The following CCDC7 variants were observed in gnomAD, a reference collection of about 807,000 sequenced individuals.
The protein encoded by CCDC7 is coiled-coil domain-containing protein 7.
CCDC7 carries 183 observed loss-of-function variants against 196.9 expected under a neutral mutation model. The ratio of observed to expected loss-of-function variants is 0.93; its 90% CI spans 0.82 to 1.05. The LOEUF (loss-of-function observed/expected upper bound fraction) is 1.05, where lower values mean the gene tolerates loss of function less well. CCDC7 is among the 50% of genes least tolerant of loss of function. The probability of loss-of-function intolerance (pLI) is 0.00; values close to 1 mark genes in which losing one functional copy is unlikely to be tolerated. For synonymous variants in CCDC7, 525 were observed against 484.6 expected (o/e 1.08, Z -1.10); for missense variants, 1,540 against 1,482.2 (o/e 1.04, Z -0.64).
At chr10:32,478,241 A>T (rs2039353515) in intron 8 of CCDC7, among the ~76,000 whole-genome samples, 1 of 152,130 alleles carries the variant, frequency 6.6e-6, no homozygotes, top group Admixed American at 6.6e-5. Context: ...ATTCTTTGGG[A>T]TATTCTATAG....
chr10:32,545,974 A>C (rs2052392323), intron 13 of CCDC7, among the ~76,000 whole-genome samples: 1 of 147,882 alleles, frequency 6.8e-6, no homozygotes, highest in African/African-American at 2.4e-5. Context: ...AGGCAGCCTT[A>C]GGCTCTAGTG....
In CCDC7 at chr10:32,561,189, A is replaced by G. The variant is rs192359955; in HGVS notation, c.1135-4369A>G. Among the ~76,000 whole-genome samples, 62 of 152,328 alleles carry G rather than the reference A, an allele frequency of 4.1e-4. 1 individual carries two copies. The highest frequency in any genetic ancestry group is 2.6e-3 in the Admixed American group (40 of 15,302). ...AGCAAGGCCTGAGTGACCTAGAAAG[A>G]GACTTAGACTCCCACACAATAGTAA... On this transcript the variant is annotated intron_variant, in intron 13 of 41. Coordinates refer to ENST00000639629, the Ensembl canonical transcript of CCDC7.
chr10:32,723,364 A>G (rs1042701677), intron 25 of CCDC7, among the ~76,000 whole-genome samples: 4 of 152,144 alleles, frequency 2.6e-5, no homozygotes, highest in East Asian at 1.9e-4. Flanking sequence ...ACTGATCAGC[A>G]TGGCCTTATG....
At chr10:32,448,955 A>G (rs182374042), upstream of CCDC7, among the ~76,000 whole-genome samples, 40 of 151,866 alleles carry the variant, frequency 2.6e-4, 1 homozygote, top group African/African-American at 9.4e-4. Flanking sequence ...TTATTCCTCC[A>G]CTGATTTTAT....
intron 20 of CCDC7, among the ~76,000 whole-genome samples, chr10:32,646,797 A>ATACT (rs2067844862): frequency 6.6e-6 from 1 of 152,146 alleles, no homozygotes; most frequent in Non-Finnish European, 1.5e-5. Flanking sequence ...CATGTGGTCA[A>ATACT]TACTTAGCTC....
At chr10:32,568,419 C>T (rs1407516114) in intron 15 of CCDC7, among the ~76,000 whole-genome samples, 3 of 152,096 alleles carry the variant, frequency 2.0e-5, no homozygotes, top group Admixed American at 6.5e-5. Context: ...ACATAAGCAT[C>T]TGAGATTTGA....
chr10:32,678,583 T>C (rs1012162114), intron 21 of CCDC7, among the ~76,000 whole-genome samples: 14 of 152,090 alleles, frequency 9.2e-5, no homozygotes, highest in African/African-American at 3.1e-4. Context: ...TTTTTTTTGG[T>C]TTTTAGCTAC....
At chr10:32,704,187 T>C (rs2079282168) in intron 24 of CCDC7, among the ~76,000 whole-genome samples, 1 of 152,150 alleles carries the variant, frequency 6.6e-6, no homozygotes, top group Non-Finnish European at 1.5e-5. Flanking sequence ...GATGGGGTTT[T>C]GGTGTGGATG....
chr10:32,530,326 A>G (rs910570883), intron 11 of CCDC7, among the ~76,000 whole-genome samples: 9 of 152,054 alleles, frequency 5.9e-5, no homozygotes, highest in African/African-American at 2.2e-4. Flanking sequence ...TAGTATTTTT[A>G]TGGGAATTGC....
At chr10:32,689,608 C>T (rs1181871175) in intron 23 of CCDC7, among the ~76,000 whole-genome samples, 14 of 152,140 alleles carry the variant, frequency 9.2e-5, no homozygotes, top group African/African-American at 3.4e-4. Flanking sequence ...CTAGGGCATC[C>T]TTTTGGTCAT....
intron 24 of CCDC7, among the ~76,000 whole-genome samples, chr10:32,698,680 T>C (rs932560330): frequency 1.3e-5 from 2 of 151,900 alleles, no homozygotes; most frequent in African/African-American, 4.8e-5. Context: ...AATGAACAAA[T>C]CCTCCAAGAA....
At chr10:32,875,466 G>C (rs1434810911) in intron 41 of CCDC7, among the ~76,000 whole-genome samples, 1 of 151,880 alleles carries the variant, frequency 6.6e-6, no homozygotes, top group African/African-American at 2.4e-5. Flanking sequence ...TTATTTCTGG[G>C]CCCTCTGTTC....
At chr10:32,646,362 T>C (rs77968561) in intron 20 of CCDC7, among the ~76,000 whole-genome samples, 5,545 of 152,288 alleles carry the variant, frequency 0.036, 107 homozygotes, top group Non-Finnish European at 0.05. Context: ...TATTGATTCA[T>C]AGTTTTATTC....
At chr10:32,782,617 T>G (rs938393451) in intron 29 of CCDC7, among the ~76,000 whole-genome samples, 1 of 152,214 alleles carries the variant, frequency 6.6e-6, no homozygotes, top group Non-Finnish European at 1.5e-5. Context: ...CCCATAATAC[T>G]TATGAGGTTA....
At chr10:32,558,238 A>T (rs1435289931) in intron 13 of CCDC7, among the ~76,000 whole-genome samples, 1 of 152,168 alleles carries the variant, frequency 6.6e-6, no homozygotes, top group Non-Finnish European at 1.5e-5. Flanking sequence ...CATATTCTTG[A>T]AACCCTAGAT....
chr10:32,714,706 T>G (rs2081323549), intron 25 of CCDC7, among the ~76,000 whole-genome samples: 1 of 151,950 alleles, frequency 6.6e-6, no homozygotes, highest in African/African-American at 2.4e-5. Context: ...TCAAGCTTGG[T>G]GGGGGGAGGG....
rs1184422844 is a variant in CCDC7 at position 32,854,386 on chromosome 10, T to C, written c.4022-14T>C. ...TTACCACATAATTTAATAACACTGT[T>C]CTCATTTTTTTAGGGCATTCGAAAG... On this transcript the variant is annotated splice_polypyrimidine_tract_variant and intron_variant, in intron 40 of 41. Coordinates refer to ENST00000639629, the Ensembl canonical transcript of CCDC7. 2.7e-6 allele frequency: 4 copies of C among 1,472,494 alleles called. No homozygotes were observed. The highest frequency in any genetic ancestry group is 3.5e-5 in the Admixed American group (2 of 56,640). 91.2% of individuals were successfully genotyped at this position (1,472,494 alleles called of 1,614,324 possible). A position where few individuals can be genotyped will look rare whatever the true frequency, so the allele number is the denominator to read the frequency against.
At chr10:32,841,513 C>G (rs530555359) in intron 33 of CCDC7, among the ~76,000 whole-genome samples, 1 of 151,068 alleles carries the variant, frequency 6.6e-6, no homozygotes, top group Non-Finnish European at 1.5e-5. Context: ...AAATCCTAGA[C>G]GACACAAACA....
At chr10:32,677,487 T>TC (rs1463894523) in intron 21 of CCDC7, among the ~76,000 whole-genome samples, 1 of 152,206 alleles carries the variant, frequency 6.6e-6, no homozygotes, top group Non-Finnish European at 1.5e-5. Flanking sequence ...GCACAATTTT[T>TC]CTGGGTGTAG....
Sources: allele counts gnomAD v4.1 joint callset (sites outside exome capture counted in the v4.1 genomes callset), GRCh38; gene constraint gnomAD v4.1.1; transcripts MANE v1.5; gene names NCBI Gene and HGNC (gene_info 2026-07-23, HGNC 2026-07-21).